ROBO1: variants seen among roughly 807,000 people sequenced by gnomAD.
The protein encoded by ROBO1 is roundabout guidance receptor 1.
In ROBO1, 149 loss-of-function variants were observed where a neutral mutation model predicts 195.9. That is an observed-to-expected ratio of 0.76 (90% CI 0.67 to 0.87). The LOEUF (loss-of-function observed/expected upper bound fraction) is 0.87. Among genes scored for constraint, ROBO1 ranks in the 40% least tolerant of loss-of-function variants. ROBO1 has a pLI of 0.00. For missense variants in ROBO1, 1,933 were observed against 2,068.3 expected (o/e 0.93, Z 1.27); for synonymous variants, 816 against 733.2 (o/e 1.11, Z -1.82).
intron 3 of ROBO1, among the ~76,000 whole-genome samples, chr3:79,083,414 TTGTC>T: frequency 6.6e-6 from 1 of 152,302 alleles, no homozygotes; most frequent in South Asian, 2.1e-4. Context: ...AGATACCTAT[TTGTC>T]TATCTATCTG....
At chr3:78,991,415 T>G (rs1226597403) in intron 3 of ROBO1, among the ~76,000 whole-genome samples, 1 of 152,182 alleles carries the variant, frequency 6.6e-6, no homozygotes. Context: ...AAAAAGGAAC[T>G]GAAGACACAG....
chr3:79,382,705 A>G (rs1559860275), intron 2 of ROBO1, among the ~76,000 whole-genome samples: 2 of 152,136 alleles, frequency 1.3e-5, no homozygotes, highest in Non-Finnish European at 2.9e-5. Flanking sequence ...TACAGTCTCA[A>G]TTTACATCCT....
At chr3:79,045,707 A>C (rs771026947) in intron 3 of ROBO1, among the ~76,000 whole-genome samples, 48 of 152,112 alleles carry the variant, frequency 3.2e-4, no homozygotes, top group Non-Finnish European at 6.0e-4. Flanking sequence ...ATATATCAAC[A>C]AACCAACAAT....
Position 79,622,842 on chromosome 3 carries a change from C to T in ROBO1, c.-50-32881G>A, listed in dbSNP as rs182350502. 6.8e-4 allele frequency among the ~76,000 whole-genome samples: 104 copies of T among 152,316 alleles called. 1 individual carries two copies. The highest frequency in any genetic ancestry group is 5.1e-4 in the Non-Finnish European group (35 of 68,030). On this transcript the variant is annotated intron_variant, in intron 1 of 30. Transcript: ENST00000464233. ...AGTGCTTCATTAAACAGGTCTTGTT[C>T]CCTGTACCACCCAACTGAGTGAGAC...
intron 1 of ROBO1, among the ~76,000 whole-genome samples, chr3:79,715,507 C>T (rs896958318): frequency 6.6e-6 from 1 of 152,016 alleles, no homozygotes; most frequent in Admixed American, 6.6e-5. Flanking sequence ...AACATATGTA[C>T]TTTTTTAGAA....
chr3:79,388,964 A>T (rs1368669165), intron 2 of ROBO1, among the ~76,000 whole-genome samples: 1 of 152,116 alleles, frequency 6.6e-6, no homozygotes, highest in Non-Finnish European at 1.5e-5. Context: ...AATTTTAAAG[A>T]GAGGAAAAAA....
intron 2 of ROBO1, among the ~76,000 whole-genome samples, chr3:79,370,318 C>G (rs537535757): frequency 6.6e-6 from 1 of 151,962 alleles, no homozygotes; most frequent in Non-Finnish European, 1.5e-5. Flanking sequence ...AGATGGCCCC[C>G]CTGTACTCCA....
rs150190193 is a variant in ROBO1 at position 78,633,067 on chromosome 3, G to C, written c.3481+868C>G. On this transcript the variant is annotated intron_variant, in intron 24 of 30. Transcript: ENST00000464233. ...CCAGCGTGTTAGTTAAGGGAAAACT[G>C]TAAAATGCAAATGCCATATTCATTA... Among the ~76,000 whole-genome samples the C allele has an allele frequency of 6.2e-3, 944 of 152,274 alleles. 10 individuals are homozygous for C. Among genetic ancestry groups the C allele is most frequent in the African/African-American group, 0.022 (894 of 41,546 alleles).
chr3:79,428,764 A>C (rs1029953889), intron 2 of ROBO1, among the ~76,000 whole-genome samples: 4 of 152,188 alleles, frequency 2.6e-5, no homozygotes, highest in African/African-American at 9.7e-5. Context: ...TGTGGTACCA[A>C]CATACAGTGG....
At chr3:79,620,545 T>C (rs1295636752) in intron 1 of ROBO1, among the ~76,000 whole-genome samples, 1 of 151,934 alleles carries the variant, frequency 6.6e-6, no homozygotes, top group Non-Finnish European at 1.5e-5. Flanking sequence ...TCTTTTTTAG[T>C]TGTCTCCACC....
At chr3:79,100,789 C>T (rs554864249) in intron 3 of ROBO1, among the ~76,000 whole-genome samples, 11 of 151,718 alleles carry the variant, frequency 7.3e-5, no homozygotes, top group South Asian at 6.2e-4. Flanking sequence ...AGCAGAAGGG[C>T]GGTTTGAAGG....
chr3:78,936,362 A>G (rs1474384098), intron 4 of ROBO1, among the ~76,000 whole-genome samples: 3 of 152,162 alleles, frequency 2.0e-5, no homozygotes, highest in African/African-American at 2.4e-5. Flanking sequence ...TGTTGCCTCA[A>G]GACACTTTTC....
chr3:79,360,928 C>T (rs978054148), intron 2 of ROBO1, among the ~76,000 whole-genome samples: 1 of 152,034 alleles, frequency 6.6e-6, no homozygotes, highest in Non-Finnish European at 1.5e-5. Context: ...TGGCCATGCT[C>T]ACCTCAATAG....
intron 3 of ROBO1, among the ~76,000 whole-genome samples, chr3:79,080,343 A>T (rs1453454585): frequency 6.6e-6 from 1 of 151,888 alleles, no homozygotes; most frequent in Non-Finnish European, 1.5e-5. Flanking sequence ...TTGTCCATGA[A>T]AATATGTGTT....
chr3:79,303,946 AACT>A (rs1200829801), intron 2 of ROBO1, among the ~76,000 whole-genome samples: 2 of 152,174 alleles, frequency 1.3e-5, no homozygotes, highest in Non-Finnish European at 2.9e-5. Flanking sequence ...GAAAAAAGAA[AACT>A]ACTGTCAAAT....
At chr3:79,754,022 G>A (rs988180967) in intron 1 of ROBO1, among the ~76,000 whole-genome samples, 1 of 152,100 alleles carries the variant, frequency 6.6e-6, no homozygotes, top group African/African-American at 2.4e-5. Context: ...GGTTTTTAAG[G>A]GTGCGGGTGG....
rs748638156 is a variant in ROBO1 at position 78,606,895 on chromosome 3, T to C, written c.4582A>G (p.Ser1528Gly). Residue 1528 changes from serine to glycine, a missense_variant, in exon 29 of 31, where the codon AGT (serine) becomes GGT (glycine). Ser to Gly is a moderately conservative substitution (Grantham distance 56). Coordinates refer to ENST00000464233, the MANE Select transcript of ROBO1 (RefSeq NM_002941.4). The part of the protein sequence containing the change: ...TDRSSDRKGS[S>G]YKGREVLDGR... ...TCCAACACTTCTCTCCCCTTGTAAC[T>C]GCTTCCTTTTCTGTCTGATGATCTG... 6.2e-7 allele frequency: 1 copy of C among 1,613,934 alleles called. No individual in the cohort carries two copies. The highest frequency in any genetic ancestry group is 2.2e-5 in the East Asian group (1 of 44,878).
At chr3:79,041,958 A>T (rs1353050246) in intron 3 of ROBO1, among the ~76,000 whole-genome samples, 1 of 152,186 alleles carries the variant, frequency 6.6e-6, no homozygotes, top group Non-Finnish European at 1.5e-5. Context: ...CTGGCAGGTG[A>T]GACTATAGCA....
chr3:78,909,775 CT>C (rs1409222783), intron 4 of ROBO1, among the ~76,000 whole-genome samples: 1 of 151,236 alleles, frequency 6.6e-6, no homozygotes, highest in South Asian at 2.1e-4. Flanking sequence ...GGAAAAAAGT[CT>C]TTTTTTTACA....
Sources: gnomAD v4.1 joint callset for allele counts (sites outside exome capture counted in the v4.1 genomes callset) on GRCh38, gnomAD v4.1.1 for gene constraint, MANE v1.5 for transcripts, NCBI Gene and HGNC (gene_info 2026-07-23, HGNC 2026-07-21) for gene names.